CHCHD3: variants seen among roughly 807,000 people sequenced by gnomAD.
CHCHD3 encodes MICOS complex subunit MIC19.
CHCHD3 carries 20 observed loss-of-function variants against 38.2 expected under a neutral mutation model. The ratio of observed to expected loss-of-function variants is 0.52; its 90% CI spans 0.37 to 0.76. CHCHD3 has a LOEUF of 0.76. Among genes scored for constraint, CHCHD3 ranks in the 30% least tolerant of loss-of-function variants. The probability of loss-of-function intolerance (pLI) is 0.00; values close to 1 mark genes in which losing one functional copy is unlikely to be tolerated. For missense variants in CHCHD3, 245 were observed against 279.2 expected, an observed-to-expected ratio of 0.88 and a Z score of 0.87; for synonymous variants, 82 against 100.0, an observed-to-expected ratio of 0.82 and a Z score of 1.07.
chr7:132,969,141 C>CT (rs74313531), intron 4 of CHCHD3, among the ~76,000 whole-genome samples: 118 of 139,800 alleles, frequency 8.4e-4, no homozygotes, highest in South Asian at 1.4e-3. Flanking sequence ...TTCACCCATC[C>CT]TTTTTTTTTT....
At chr7:133,003,397 GAGAAGACA>G (rs775216214) in intron 3 of CHCHD3, among the ~76,000 whole-genome samples, 115 of 152,140 alleles carry the variant, frequency 7.6e-4, no homozygotes, top group Non-Finnish European at 1.2e-3. Flanking sequence ...TCAATCCCAG[GAGAAGACA>G]AGAAGATAGA....
chr7:132,935,205 T>C (rs576937393), intron 4 of CHCHD3, among the ~76,000 whole-genome samples: 1 of 152,188 alleles, frequency 6.6e-6, no homozygotes. Flanking sequence ...CTAACAAAAT[T>C]AGAAGTACAA....
At chr7:132,943,211 T>C (rs934292983) in intron 4 of CHCHD3, among the ~76,000 whole-genome samples, 4 of 152,258 alleles carry the variant, frequency 2.6e-5, no homozygotes, top group African/African-American at 9.6e-5. Context: ...CTTGAGTATT[T>C]AAAATGCTTA....
chr7:133,021,919 T>C (rs936696557), intron 3 of CHCHD3, among the ~76,000 whole-genome samples: 4 of 151,946 alleles, frequency 2.6e-5, no homozygotes, highest in South Asian at 4.2e-4. Context: ...ACCCCGTCTC[T>C]ACTAAAAATA....
chr7:133,067,866 C>A (rs1463242160), intron 2 of CHCHD3, among the ~76,000 whole-genome samples: 1 of 152,192 alleles, frequency 6.6e-6, no homozygotes, highest in Non-Finnish European at 1.5e-5. Flanking sequence ...CCTGTAATCC[C>A]AGCACTTTGG....
chr7:133,047,146 C>T (rs1383071936), intron 2 of CHCHD3, among the ~76,000 whole-genome samples: 1 of 152,096 alleles, frequency 6.6e-6, no homozygotes, highest in Non-Finnish European at 1.5e-5. Context: ...ATCATGGAAG[C>T]GATGCTAGAG....
chr7:133,010,927 T>A (rs1411395594), intron 3 of CHCHD3, among the ~76,000 whole-genome samples: 1 of 151,750 alleles, frequency 6.6e-6, no homozygotes, highest in Non-Finnish European at 1.5e-5. Context: ...AAGAATACTA[T>A]AAAGAAACAT....
chr7:132,857,111 C>T (rs1415057223), intron 5 of CHCHD3, among the ~76,000 whole-genome samples: 2 of 152,172 alleles, frequency 1.3e-5, no homozygotes, highest in Non-Finnish European at 2.9e-5. Context: ...AAGAATAATA[C>T]ACATGGTGCA....
At chr7:133,027,497 GA>G (rs1435923721) in intron 2 of CHCHD3, among the ~76,000 whole-genome samples, 1 of 151,904 alleles carries the variant, frequency 6.6e-6, no homozygotes, top group Non-Finnish European at 1.5e-5. Flanking sequence ...ACTATACAGG[GA>G]ATCAGGGAAT....
chr7:132,974,703 G>A (rs894795864), intron 4 of CHCHD3, among the ~76,000 whole-genome samples: 17 of 152,158 alleles, frequency 1.1e-4, no homozygotes, highest in African/African-American at 3.6e-4. Flanking sequence ...GTGAAACCCC[G>A]TCTCTACTAT....
At chr7:133,031,173 G>A (rs1026258501) in intron 2 of CHCHD3, among the ~76,000 whole-genome samples, 2 of 152,114 alleles carry the variant, frequency 1.3e-5, no homozygotes, top group Non-Finnish European at 2.9e-5. Context: ...ATTCCTCAAA[G>A]AAAGTGTAAC....
At chr7:132,901,998 A>T (rs1408857676) in intron 4 of CHCHD3, among the ~76,000 whole-genome samples, 1 of 152,084 alleles carries the variant, frequency 6.6e-6, no homozygotes, top group Non-Finnish European at 1.5e-5. Context: ...TCTTGAATTA[A>T]TTTTTGTATA....
chr7:133,018,098 A>T (rs1333831677), intron 3 of CHCHD3, among the ~76,000 whole-genome samples: 4 of 152,222 alleles, frequency 2.6e-5, no homozygotes, highest in Non-Finnish European at 4.4e-5. Flanking sequence ...TAAAGCATTT[A>T]AAAAAACAGC....
intron 2 of CHCHD3, among the ~76,000 whole-genome samples, chr7:133,042,548 G>T (rs188705041): frequency 6.6e-6 from 1 of 152,162 alleles, no homozygotes; most frequent in Non-Finnish European, 1.5e-5. Context: ...AGGGGACCAG[G>T]CAAGGCCAAT....
At chr7:132,998,319 G>A (rs368965728) in intron 3 of CHCHD3, among the ~76,000 whole-genome samples, 10 of 152,264 alleles carry the variant, frequency 6.6e-5, no homozygotes, top group African/African-American at 2.4e-4. Context: ...TAATGATTCC[G>A]AGTGCTGCCT....
chr7:132,979,993 A>G (rs1447919231), intron 3 of CHCHD3, among the ~76,000 whole-genome samples: 1 of 152,180 alleles, frequency 6.6e-6, no homozygotes, highest in African/African-American at 2.4e-5. Flanking sequence ...GAAACCCCCA[A>G]TTACTTTCAA....
At chr7:132,907,985 G>A (rs1400869258) in intron 4 of CHCHD3, among the ~76,000 whole-genome samples, 2 of 152,118 alleles carry the variant, frequency 1.3e-5, no homozygotes, top group African/African-American at 2.4e-5. Context: ...TACATACCAT[G>A]ACTATGCCAC....
At chr7:132,889,197 G>T (rs1809300596) in intron 4 of CHCHD3, among the ~76,000 whole-genome samples, 1 of 152,006 alleles carries the variant, frequency 6.6e-6, no homozygotes, top group Admixed American at 6.6e-5. Context: ...CATGGAAATT[G>T]TATTACCTAC....
At chr7:133,029,344 A>G (rs1241763515) in intron 2 of CHCHD3, among the ~76,000 whole-genome samples, 1 of 152,182 alleles carries the variant, frequency 6.6e-6, no homozygotes, top group Non-Finnish European at 1.5e-5. Context: ...ATTATTAACT[A>G]AAGTCACCAT....
Sources: gnomAD v4.1 joint callset for allele counts (sites outside exome capture counted in the v4.1 genomes callset) on GRCh38, gnomAD v4.1.1 for gene constraint, MANE v1.5 for transcripts, NCBI Gene and HGNC (gene_info 2026-07-23, HGNC 2026-07-21) for gene names.